MICU3: variants seen among roughly 807,000 people sequenced by gnomAD.
MICU3 encodes the protein mitochondrial calcium uptake 3.
A neutral mutation model predicts 66.5 loss-of-function variants in MICU3; 62 were observed. The ratio of observed to expected loss-of-function variants is 0.93; its 90% CI spans 0.76 to 1.15. The LOEUF (loss-of-function observed/expected upper bound fraction) is 1.15, where lower values mean the gene tolerates loss of function less well. Among genes scored for constraint, MICU3 ranks in the 50% most tolerant of loss-of-function variants. The pLI is 0.00. For synonymous variants in MICU3, 308 were observed against 240.7 expected (o/e 1.28, Z -2.59); for missense variants, 779 against 664.4 (o/e 1.17, Z -1.90).
chr8:17,033,809 T>G lies in MICU3; in HGVS notation c.381+6149T>G, dbSNP rs146994984. Among the ~76,000 whole-genome samples, 425 of 152,290 alleles carry G rather than the reference T, an allele frequency of 2.8e-3. 3 individuals carry two copies. The highest frequency in any genetic ancestry group is 0.017 in the South Asian group (81 of 4,824). On this transcript the variant is annotated intron_variant, in intron 1 of 14. Transcript: ENST00000318063. Reference sequence around the variant, plus strand: ...AGAAAAGTTGGAAGTTAGCAGAGAATGGTTCATGAGATTTAAGGAAAGAAG... The same window carrying G: ...AGAAAAGTTGGAAGTTAGCAGAGAAGGGTTCATGAGATTTAAGGAAAGAAG...
At chr8:17,052,333 AT>A (rs1312815622) in intron 1 of MICU3, among the ~76,000 whole-genome samples, 2 of 152,112 alleles carry the variant, frequency 1.3e-5, no homozygotes, top group African/African-American at 4.8e-5. Context: ...CCCCTTGAAC[AT>A]TTATCATTTC....
At chr8:17,095,146 A>G (rs374856419) in intron 8 of MICU3, among the ~76,000 whole-genome samples, 22 of 151,922 alleles carry the variant, frequency 1.4e-4, no homozygotes, top group Admixed American at 1.2e-3. Flanking sequence ...TTTGTATTCC[A>G]TATCTAAGCA....
chr8:17,104,023 A>T (rs1801508415), intron 9 of MICU3, among the ~76,000 whole-genome samples: 4 of 151,922 alleles, frequency 2.6e-5, no homozygotes, highest in Admixed American at 2.6e-4. Context: ...ATTGATTAGG[A>T]AAATCCAAAC....
At chr8:17,098,731 A>C (rs566498319) in intron 9 of MICU3, among the ~76,000 whole-genome samples, 178 bp downstream of exon 9, 3 of 151,854 alleles carry the variant, frequency 2.0e-5, no homozygotes, top group African/African-American at 7.2e-5. Context: ...TTGACAGTTG[A>C]ACTTAATTAA....
intron 11 of MICU3, among the ~76,000 whole-genome samples, chr8:17,108,257 G>C (rs940473964): frequency 1.3e-5 from 2 of 152,068 alleles, no homozygotes; most frequent in Admixed American, 1.3e-4. Flanking sequence ...AATTAAGCAG[G>C]CAAGTTGGAT....
At chr8:17,128,229 T>TACACACACAC in the MICU3 span, among the ~76,000 whole-genome samples, 23 of 144,546 alleles carry the variant, frequency 1.6e-4, no homozygotes, top group Middle Eastern at 3.6e-3. Context: ...GAGATCAGTG[T>TACACACACAC]ACACACACAC....
intron 11 of MICU3, among the ~76,000 whole-genome samples, chr8:17,107,768 A>C (rs1216579960): frequency 6.6e-6 from 1 of 152,228 alleles, no homozygotes; most frequent in Non-Finnish European, 1.5e-5. Flanking sequence ...ACCTTGCTTT[A>C]GCATAGGCAT....
chr8:17,098,445 A>G lies in MICU3; in HGVS notation c.889-13A>G, dbSNP rs746421534. 11 of 1,551,764 alleles carry G rather than the reference A, an allele frequency of 7.1e-6. No homozygotes were observed. The highest frequency in any genetic ancestry group is 5.6e-5 in the South Asian group (5 of 89,796). On this transcript the variant is annotated splice_polypyrimidine_tract_variant and intron_variant, in intron 8 of 14. Transcript: ENST00000318063. ...TCTTTAGATTTCAGTTGTGCTTCTT[A>G]AAACTTCTACAGGTACTTAAAACAG...
At chr8:17,098,323 A>C (rs1450441250) in intron 8 of MICU3, 135 bp from the exon 9 acceptor site, 3 of 725,398 alleles carry the variant, frequency 4.1e-6, no homozygotes, top group Non-Finnish European at 7.4e-6. Context: ...TGCACAGCAG[A>C]AAACAAAACA....
At chr8:17,029,214 G>A (rs1362463866) in intron 1 of MICU3, among the ~76,000 whole-genome samples, 1 of 152,186 alleles carries the variant, frequency 6.6e-6, no homozygotes, top group Non-Finnish European at 1.5e-5. Flanking sequence ...GGTGGCTCAC[G>A]CCTGTAATCC....
At chr8:17,036,239 G>A (rs1812960191) in intron 1 of MICU3, among the ~76,000 whole-genome samples, 1 of 152,104 alleles carries the variant, frequency 6.6e-6, no homozygotes, top group African/African-American at 2.4e-5. Flanking sequence ...CATTCCTGCC[G>A]GTGGGCTCGT....
chr8:17,126,429 G>A (rs1444414538), downstream of MICU3, among the ~76,000 whole-genome samples: 3 of 152,134 alleles, frequency 2.0e-5, no homozygotes, highest in East Asian at 5.8e-4. Flanking sequence ...TTATGGTATA[G>A]TTTCAAGAGG....
intron 4 of MICU3, among the ~76,000 whole-genome samples, chr8:17,078,702 A>G (rs1820743816): frequency 6.6e-6 from 1 of 152,086 alleles, no homozygotes. Flanking sequence ...AGGAGTAGTT[A>G]TAATTCATAT....
intron 11 of MICU3, 52 bp from the exon 12 acceptor site, chr8:17,114,041 T>TCGCCGTATCA: frequency 3.8e-6 from 4 of 1,064,178 alleles, no homozygotes; most frequent in South Asian, 1.8e-5. Context: ...AGATCCTGAT[T>TCGCCGTATCA]TTAATAAATT....
intron 14 of MICU3, among the ~76,000 whole-genome samples, chr8:17,119,212 C>T (rs1332847009): frequency 6.6e-5 from 10 of 152,146 alleles, no homozygotes; most frequent in Admixed American, 6.5e-4. Flanking sequence ...CATAGGATAA[C>T]TTGCTAGTCA....
intron 9 of MICU3, among the ~76,000 whole-genome samples, chr8:17,099,880 C>G (rs760022243): frequency 1.3e-5 from 2 of 151,708 alleles, no homozygotes; most frequent in African/African-American, 4.8e-5. Flanking sequence ...TATCTTCATC[C>G]CATTTAACTC....
chr8:17,094,982 A>G lies in MICU3; in HGVS notation c.889-3476A>G, dbSNP rs187950287. ...TATCTTCCGGTTCATTAATTCTACTAGAGATATATAATCTGATACTAAATT... is the reference window on the plus strand; with the variant it reads ...TATCTTCCGGTTCATTAATTCTACTGGAGATATATAATCTGATACTAAATT... On this transcript the variant is annotated intron_variant, in intron 8 of 14. Coordinates refer to ENST00000318063, the MANE Select transcript of MICU3 (RefSeq NM_181723.3). Among the ~76,000 whole-genome samples, 218 of 152,112 alleles carry G rather than the reference A, an allele frequency of 1.4e-3. 4 individuals carry two copies. Among genetic ancestry groups the G allele is most frequent in the Admixed American group, 0.013 (199 of 15,240 alleles).
the MICU3 span, among the ~76,000 whole-genome samples, chr8:17,130,960 A>G: frequency 6.6e-6 from 1 of 152,232 alleles, no homozygotes; most frequent in African/African-American, 2.4e-5. Context: ...AGACATGGAT[A>G]GAGTACATGT....
At chr8:17,127,270 T>G (rs975686721), downstream of MICU3, among the ~76,000 whole-genome samples, 1 of 152,214 alleles carries the variant, frequency 6.6e-6, no homozygotes, top group African/African-American at 2.4e-5. Flanking sequence ...GTGAGTATCT[T>G]ATGTACCATT....
Sources: allele counts gnomAD v4.1 joint callset (sites outside exome capture counted in the v4.1 genomes callset), GRCh38; gene constraint gnomAD v4.1.1; transcripts MANE v1.5; gene names NCBI Gene and HGNC (gene_info 2026-07-23, HGNC 2026-07-21).